PPP1R13L: variants seen among roughly 807,000 people sequenced by gnomAD.
PPP1R13L encodes the protein relA-associated inhibitor.
Under a neutral mutation model 80.9 loss-of-function variants are expected in PPP1R13L, and 50 were observed. The observed-to-expected ratio is 0.62, with a 90% confidence interval of 0.49 to 0.78. PPP1R13L has a LOEUF of 0.78. Among genes scored for constraint, PPP1R13L ranks in the 30% least tolerant of loss-of-function variants. PPP1R13L has a pLI of 0.00. For synonymous variants in PPP1R13L, 602 were observed against 534.3 expected, an observed-to-expected ratio of 1.13 and a Z score of -1.75; for missense variants, 1,200 against 1,205.9, an observed-to-expected ratio of 1.00 and a Z score of 0.07.
intron 8 of PPP1R13L, among the ~76,000 whole-genome samples, chr19:45,390,474 G>A (rs1246341293): frequency 6.6e-6 from 1 of 152,142 alleles, no homozygotes; most frequent in Non-Finnish European, 1.5e-5. Context: ...GTATGAGAAA[G>A]CACTGTAAAA....
Position 45,392,576 on chromosome 19 carries a change from T to C in PPP1R13L, c.1355-236A>G. On this transcript the variant is annotated intron_variant, in intron 7 of 12. Coordinates refer to ENST00000360957, the MANE Select transcript of PPP1R13L (RefSeq NM_006663.4). ...GCTTTACATGCCTACCTTATTGTAA[T>C]CTCACCACTGCTTTGTGAGGTAGAT... 3 of 629,732 alleles carry C rather than the reference T, an allele frequency of 4.8e-6. No individual in the cohort carries two copies. In the South Asian group the frequency reaches 5.3e-5, roughly 11 times the overall value. 39.0% of individuals were successfully genotyped at this position (629,732 alleles called of 1,614,324 possible).
rs1338129256 is a variant in PPP1R13L at position 45,380,067 on chromosome 19, G to A, written c.*123C>T. On this transcript the variant is annotated 3_prime_UTR_variant, in exon 13 of 13. Transcript: ENST00000360957. ...ACTTCCAGGAGAACAGAGAACCGGT[G>A]GCAAGGACCACCACCAGCAGGGTGA... 6.5e-6 allele frequency: 7 copies of A among 1,083,872 alleles called. No homozygotes were observed. Among genetic ancestry groups the A allele is most frequent in the Non-Finnish European group, 1.4e-6 (1 of 732,318 alleles). The allele number at this position is 1,083,872 out of a possible 1,614,324, so 67.1% of individuals were successfully genotyped here.
chr19:45,398,181 C>T (rs974761460), intron 2 of PPP1R13L, 34 bp from the exon 3 acceptor site: 6 of 1,612,554 alleles, frequency 3.7e-6, no homozygotes, highest in Non-Finnish European at 5.1e-6. Flanking sequence ...AGGACCTGGC[C>T]TCCTGGCAGG....
chr19:45,390,525 G>A (rs562955609), intron 8 of PPP1R13L, among the ~76,000 whole-genome samples: 7 of 152,220 alleles, frequency 4.6e-5, no homozygotes, highest in South Asian at 2.1e-4. Context: ...CCCCAGTCAC[G>A]TTCCTCACGC....
chr19:45,383,819 T>C (rs1287341993), intron 11 of PPP1R13L, among the ~76,000 whole-genome samples: 1 of 152,102 alleles, frequency 6.6e-6, no homozygotes, highest in Non-Finnish European at 1.5e-5. Flanking sequence ...TGGAGTGCAG[T>C]GGCGCGATTT....
chr19:45,396,396 G>A lies in PPP1R13L; in HGVS notation c.753C>T (p.Asn251=). 1 of 1,614,114 alleles carries A rather than the reference G, an allele frequency of 6.2e-7. No homozygotes were observed. Among genetic ancestry groups the A allele is most frequent in the Non-Finnish European group, 8.5e-7 (1 of 1,179,992 alleles). ...CGTACGCCACGTCCAGGTCAGACTCGTTCCAGGCTTTCGGAGGCCGCCGGC... is the reference window on the plus strand; with the variant it reads ...CGTACGCCACGTCCAGGTCAGACTCATTCCAGGCTTTCGGAGGCCGCCGGC... ...TLRRRPPKAW[N]ESDLDVAYEK... is the part of the protein sequence containing the mutation. Residue 251 remains asparagine, a synonymous_variant, in exon 5 of 13, where the codon AAC becomes AAT. Coordinates refer to ENST00000360957, the MANE Select transcript of PPP1R13L (RefSeq NM_006663.4). This position sits in a 1 kb window ranked among gnomAD's most constrained non-coding sequence, Gnocchi z 5.3.
At chr19:45,381,304 C>T (rs1248186719) in intron 12 of PPP1R13L, among the ~76,000 whole-genome samples, 2 of 151,420 alleles carry the variant, frequency 1.3e-5, no homozygotes, top group Admixed American at 6.6e-5. Context: ...TCAGGAGATC[C>T]GCCCGCCTTG....
chr19:45,382,122 T>C (rs1302725518), intron 12 of PPP1R13L, among the ~76,000 whole-genome samples: 3 of 151,454 alleles, frequency 2.0e-5, no homozygotes, highest in Admixed American at 2.0e-4. Flanking sequence ...TGGGCGCCTG[T>C]AATCCCAGGC....
chr19:45,397,793 T>G (rs946821998), intron 3 of PPP1R13L, among the ~76,000 whole-genome samples: 1 of 152,052 alleles, frequency 6.6e-6, no homozygotes, highest in Non-Finnish European at 1.5e-5. Flanking sequence ...TCTCAAACTC[T>G]TAGTCTCAAG....
chr19:45,389,645 A>C (rs1349556452), intron 8 of PPP1R13L, among the ~76,000 whole-genome samples: 1 of 152,092 alleles, frequency 6.6e-6, no homozygotes, highest in Non-Finnish European at 1.5e-5. Context: ...CCCCATCTCT[A>C]CTAAAAATAC....
At chr19:45,393,804 C>T (rs1047394582) in intron 7 of PPP1R13L, among the ~76,000 whole-genome samples, 2 of 151,646 alleles carry the variant, frequency 1.3e-5, no homozygotes, top group East Asian at 1.9e-4. Flanking sequence ...ACCCGGGAGG[C>T]GGAGCTTGCA....
upstream of PPP1R13L, among the ~76,000 whole-genome samples, chr19:45,405,907 C>T (rs1973341649): frequency 6.6e-6 from 1 of 152,198 alleles, no homozygotes; most frequent in African/African-American, 2.4e-5. Flanking sequence ...TTTACACGCT[C>T]CCTGGGGCAG....
At chr19:45,388,893 A>G (rs1232673130) in intron 8 of PPP1R13L, among the ~76,000 whole-genome samples, 3 of 151,768 alleles carry the variant, frequency 2.0e-5, no homozygotes, top group Non-Finnish European at 4.4e-5. Context: ...ATGCACCACC[A>G]GGCCCAGCTA....
At chr19:45,382,430 G>A in intron 12 of PPP1R13L, 97 bp downstream of exon 12, 2 of 1,408,696 alleles carry the variant, frequency 1.4e-6, no homozygotes, top group Non-Finnish European at 9.8e-7. Flanking sequence ...CCAATATAAC[G>A]GTTTGTTCCT....
chr19:45,385,547 A>C lies in PPP1R13L; in HGVS notation c.2248+15T>G. On this transcript the variant is annotated intron_variant, in intron 11 of 12. Transcript: ENST00000360957. ...ACCCGCCAGGTACCCAGGCGCCAGCAGCCCTGCCTCGCACCTGCCAGGTAG... is the reference window on the plus strand; with the variant it reads ...ACCCGCCAGGTACCCAGGCGCCAGCCGCCCTGCCTCGCACCTGCCAGGTAG... 5.6e-6 allele frequency: 9 copies of C among 1,600,564 alleles called. No homozygotes were observed. Among genetic ancestry groups the C allele is most frequent in the Non-Finnish European group, 7.7e-6 (9 of 1,171,830 alleles).
chr19:45,388,709 T>A (rs1057349879), intron 8 of PPP1R13L, among the ~76,000 whole-genome samples: 1 of 151,828 alleles, frequency 6.6e-6, no homozygotes, highest in Non-Finnish European at 1.5e-5. Context: ...ACTAACTTTA[T>A]AATTATTTTT....
rs1265423743 is a variant in PPP1R13L, at chr19:45,380,215, A to G, written c.2462T>C (p.Val821Ala). 6.2e-7 allele frequency: 1 copy of G among 1,613,886 alleles called. No homozygotes were observed. Among genetic ancestry groups the G allele is most frequent in the African/African-American group, 1.3e-5 (1 of 74,890 alleles). ...CTAGACTTTACTCCTTTGAGGCTTC[A>G]CCCTGGGGAACAGCTGGGGAGAGAC... Reference protein sequence around the residue: ...PRNYFGLFPRVKPQRSKV With the variant: ...PRNYFGLFPRAKPQRSKV Residue 821 changes from valine (V) to alanine (A), a missense_variant, in exon 13 of 13, where the codon GTG becomes GCG. Transcript: ENST00000360957.
At chr19:45,390,553 G>A (rs982117606) in intron 8 of PPP1R13L, among the ~76,000 whole-genome samples, 2 of 152,100 alleles carry the variant, frequency 1.3e-5, no homozygotes, top group Admixed American at 6.6e-5. Context: ...ATCTATCGTG[G>A]CCCTTTCACG....
chr19:45,388,266 T>C (rs183702255), intron 8 of PPP1R13L, among the ~76,000 whole-genome samples: 1 of 152,308 alleles, frequency 6.6e-6, no homozygotes, highest in East Asian at 1.9e-4. Context: ...CTTCTATTTT[T>C]ATTTATTTTC....
Sources: gnomAD v4.1 joint callset for allele counts (sites outside exome capture counted in the v4.1 genomes callset) on GRCh38, gnomAD v4.1.1 for gene constraint, Gnocchi (gnomAD v3.1) non-coding constraint, MANE v1.5 for transcripts, NCBI Gene and HGNC (gene_info 2026-07-23, HGNC 2026-07-21) for gene names.